Variants in NAALADL2 observed in about 807,000 individuals in gnomAD.
The protein encoded by NAALADL2 is inactive N-acetylated-alpha-linked acidic dipeptidase-like protein 2.
A neutral mutation model predicts 87.2 loss-of-function variants in NAALADL2; 76 were observed. The ratio of observed to expected loss-of-function variants is 0.87; its 90% CI spans 0.72 to 1.05. NAALADL2 has a LOEUF of 1.05. NAALADL2 is among the 50% of genes least tolerant of loss of function. NAALADL2 has a pLI of 0.00. For synonymous variants in NAALADL2, 354 were observed against 331.0 expected (o/e 1.07, Z -0.75); for missense variants, 1,089 against 945.8 (o/e 1.15, Z -1.99).
At chr3:174,760,767 A>G (rs1237872006) in intron 3 of NAALADL2, among the ~76,000 whole-genome samples, 1 of 152,206 alleles carries the variant, frequency 6.6e-6, no homozygotes, top group Admixed American at 6.5e-5. Flanking sequence ...ATTAGCATTC[A>G]TTTCTGTCTG....
chr3:175,006,011 G>T (rs904186424), intron 1 of NAALADL2, among the ~76,000 whole-genome samples: 8 of 152,288 alleles, frequency 5.3e-5, no homozygotes, highest in African/African-American at 1.9e-4. Context: ...GATGTGCGCG[G>T]TAACAGCCTT....
At chr3:174,463,023 C>A (rs1481566879) in intron 1 of NAALADL2, among the ~76,000 whole-genome samples, 1 of 152,182 alleles carries the variant, frequency 6.6e-6, no homozygotes, top group Non-Finnish European at 1.5e-5. Flanking sequence ...AAAGTAATTG[C>A]ATAGCCTCTG....
chr3:175,710,826 T>C (rs1740436393), intron 11 of NAALADL2, among the ~76,000 whole-genome samples: 1 of 151,886 alleles, frequency 6.6e-6, no homozygotes, highest in Non-Finnish European at 1.5e-5. Flanking sequence ...TGTTATTTAT[T>C]GCACACTCTG....
chr3:175,148,345 T>C (rs1347477792), intron 2 of NAALADL2, among the ~76,000 whole-genome samples: 1 of 151,952 alleles, frequency 6.6e-6, no homozygotes, highest in Non-Finnish European at 1.5e-5. Flanking sequence ...TATTAGATCT[T>C]TGTGGGATAC....
chr3:175,313,946 C>T (rs1302483306), intron 4 of NAALADL2, among the ~76,000 whole-genome samples: 1 of 151,656 alleles, frequency 6.6e-6, no homozygotes, highest in East Asian at 1.9e-4. Flanking sequence ...CCTGTAGTCC[C>T]AGCTACTCAG....
At chr3:174,794,696 T>G (rs971913184) in intron 3 of NAALADL2, among the ~76,000 whole-genome samples, 1 of 152,174 alleles carries the variant, frequency 6.6e-6, no homozygotes, top group Non-Finnish European at 1.5e-5. Flanking sequence ...ACATGTTACT[T>G]TTCATTATTT....
chr3:175,209,124 G>C (rs960607254), intron 2 of NAALADL2, among the ~76,000 whole-genome samples: 1 of 152,024 alleles, frequency 6.6e-6, no homozygotes, highest in Non-Finnish European at 1.5e-5. Flanking sequence ...TTAAATAGAA[G>C]GTGTAGTAGG....
At chr3:174,641,831 A>C (rs1314362668) in intron 2 of NAALADL2, among the ~76,000 whole-genome samples, 14 of 152,088 alleles carry the variant, frequency 9.2e-5, no homozygotes, top group Non-Finnish European at 2.9e-5. Context: ...GTCATGGCTC[A>C]CTGCAGCCTC....
chr3:175,043,770 A>T (rs1024565106), intron 1 of NAALADL2, among the ~76,000 whole-genome samples: 4 of 152,220 alleles, frequency 2.6e-5, no homozygotes, highest in Admixed American at 2.6e-4. Context: ...TACTGTTTCA[A>T]TTACTAGAGC....
intron 5 of NAALADL2, among the ~76,000 whole-genome samples, chr3:175,342,427 G>C (rs1261889898): frequency 2.0e-5 from 3 of 151,976 alleles, no homozygotes; most frequent in Non-Finnish European, 2.9e-5. Flanking sequence ...TAGGTAGTGA[G>C]CATTATTAAA....
At chr3:174,901,253 C>T (rs1732264535) in intron 1 of NAALADL2, among the ~76,000 whole-genome samples, 1 of 152,082 alleles carries the variant, frequency 6.6e-6, no homozygotes, top group Non-Finnish European at 1.5e-5. Flanking sequence ...GTAGTTTTAG[C>T]TGATATAATT....
chr3:175,334,093 C>T (rs549621555), intron 5 of NAALADL2, among the ~76,000 whole-genome samples: 1 of 152,174 alleles, frequency 6.6e-6, no homozygotes, highest in South Asian at 2.1e-4. Flanking sequence ...GTATTTTCTC[C>T]ACTCATACCT....
chr3:174,460,171 A>G (rs977621481), intron 1 of NAALADL2, among the ~76,000 whole-genome samples: 2 of 151,948 alleles, frequency 1.3e-5, no homozygotes, highest in Non-Finnish European at 1.5e-5. Context: ...TAGTAGTAGT[A>G]TTTTTTTCTT....
At chr3:175,121,503 C>T (rs1015175464) in intron 2 of NAALADL2, among the ~76,000 whole-genome samples, 1 of 151,774 alleles carries the variant, frequency 6.6e-6, no homozygotes, top group African/African-American at 2.4e-5. Flanking sequence ...GCTGTGGTTG[C>T]AGCTGTTACC....
chr3:174,628,474 C>CAA lies in NAALADL2; in HGVS notation c.-115+77859_-115+77860dup, dbSNP rs5854584. On this transcript the variant is annotated intron_variant, in intron 2 of 3. Coordinates refer to the NAALADL2 transcript ENST00000434257. ...CCCAGGTGACAGTGCGAGACTGTCT[C>CAA]AAAAAAAAAAAAAAAAAAAAAAAGA... Among the ~76,000 whole-genome samples, 499 of 86,450 alleles carry CAA rather than the reference C, an allele frequency of 5.8e-3. 4 individuals carry two copies. The highest frequency in any genetic ancestry group is 0.015 in the African/African-American group (332 of 22,258). 56.7% of individuals were successfully genotyped at this position (86,450 alleles called of 152,430 possible). A position where few individuals can be genotyped will look rare whatever the true frequency, so the allele number is the denominator to read the frequency against.
chr3:174,589,542 A>G (rs565669293), intron 2 of NAALADL2, among the ~76,000 whole-genome samples: 1 of 152,352 alleles, frequency 6.6e-6, no homozygotes, highest in African/African-American at 2.4e-5. Flanking sequence ...GCAAATTACC[A>G]TTCATTGAGA....
chr3:174,769,757 T>A (rs573112542), intron 3 of NAALADL2, among the ~76,000 whole-genome samples: 1 of 151,298 alleles, frequency 6.6e-6, no homozygotes, highest in East Asian at 1.9e-4. Context: ...CAATTAAAAG[T>A]TTTTTTCTCT....
chr3:174,839,842 T>TA (rs896400868), intron 3 of NAALADL2, among the ~76,000 whole-genome samples: 18 of 146,836 alleles, frequency 1.2e-4, no homozygotes, highest in African/African-American at 2.9e-4. Context: ...AAAAAAATAA[T>TA]AAAAAAAAAT....
chr3:175,649,335 C>A (rs529426882), intron 11 of NAALADL2, among the ~76,000 whole-genome samples: 4 of 151,488 alleles, frequency 2.6e-5, no homozygotes, highest in African/African-American at 9.7e-5. Flanking sequence ...TATCAGAGAC[C>A]TTCAATGAAG....
Sources: gnomAD v4.1 joint callset for allele counts (sites outside exome capture counted in the v4.1 genomes callset) on GRCh38, gnomAD v4.1.1 for gene constraint, MANE v1.5 for transcripts, NCBI Gene and HGNC (gene_info 2026-07-23, HGNC 2026-07-21) for gene names.